Variants in WDR48 observed in about 807,000 individuals in gnomAD.
WDR48 encodes the protein WD repeat-containing protein 48.
WDR48 carries 22 observed loss-of-function variants against 94.0 expected under a neutral mutation model. That is an observed-to-expected ratio of 0.23 (90% CI 0.17 to 0.33). The LOEUF (loss-of-function observed/expected upper bound fraction) is 0.33, where lower values mean the gene tolerates loss of function less well. Among genes scored for constraint, WDR48 ranks in the 10% least tolerant of loss-of-function variants. The pLI is 1.00. For synonymous variants in WDR48, 278 were observed against 280.5 expected (o/e 0.99, Z 0.09); for missense variants, 541 against 813.8 (o/e 0.66, Z 4.08).
At chr3:39,057,779 C>T (rs2077418831) in intron 1 of WDR48, among the ~76,000 whole-genome samples, 1 of 152,136 alleles carries the variant, frequency 6.6e-6, no homozygotes, top group Non-Finnish European at 1.5e-5. Flanking sequence ...CGCACCACCA[C>T]ACCCGTCTAA....
chr3:39,066,346 A>G (rs1187780828), intron 3 of WDR48, among the ~76,000 whole-genome samples: 2 of 152,112 alleles, frequency 1.3e-5, no homozygotes, highest in Non-Finnish European at 2.9e-5. Flanking sequence ...TTAAAAATAT[A>G]TTTTTTTCTT....
rs2125677975 is a variant in WDR48 at position 39,085,614 on chromosome 3, A to C, written c.1474+4A>C. The C allele has an allele frequency of 6.2e-7, 1 of 1,605,070 alleles. No individual in the cohort carries two copies. Among genetic ancestry groups the C allele is most frequent in the African/African-American group, 1.3e-5 (1 of 74,642 alleles). ...GAGGAAAATGAAGTAAACCATGGTT[A>C]GTTTTTATATTCAGATAGTTGCATA... is the stretch of plus-strand genomic sequence containing the variant. On this transcript the variant is annotated splice_donor_region_variant and intron_variant, in intron 14 of 18. Transcript: ENST00000302313.
rs113931979 is a variant in WDR48, at chr3:39,063,006, A to G, written c.49-44A>G. On this transcript the variant is annotated intron_variant, in intron 1 of 18. Transcript: ENST00000302313. ...CTAGTAGACTATATTTTATTACTGC[A>G]TGGCTTGTACTTTATAAAAAGCATA... The G allele has an allele frequency of 7.7e-4, 1,240 of 1,606,486 alleles. 12 individuals are homozygous for G. The African/African-American group carries it at 0.014, about 19-fold the overall frequency.
At chr3:39,086,069 T>G (rs2034794139) in intron 14 of WDR48, among the ~76,000 whole-genome samples, 1 of 152,120 alleles carries the variant, frequency 6.6e-6, no homozygotes, top group African/African-American at 2.4e-5. Context: ...TGACTCTGTT[T>G]CAAAAAAAAA....
At chr3:39,075,169 C>T (rs1182319963) in intron 8 of WDR48, among the ~76,000 whole-genome samples, 2 of 137,652 alleles carry the variant, frequency 1.5e-5, no homozygotes, top group Non-Finnish European at 3.1e-5. Context: ...TGGGTCAGTT[C>T]TGGGGCACTT....
At chr3:39,076,802 A>G (rs1280109591) in intron 8 of WDR48, among the ~76,000 whole-genome samples, 1 of 152,242 alleles carries the variant, frequency 6.6e-6, no homozygotes, top group African/African-American at 2.4e-5. Context: ...TTGTTACTAT[A>G]GAAACATAAA....
chr3:39,066,400 A>G (rs762216647), intron 3 of WDR48, 148 bp from the exon 4 acceptor site: 11 of 663,262 alleles, frequency 1.7e-5, no homozygotes, highest in Admixed American at 3.3e-5. Context: ...GCAATATACA[A>G]TAGGTTCTAG....
At position 39,055,045 on chromosome 3, in the gene WDR48, A is replaced by G. The variant is rs183252061; in HGVS notation, c.48+2972A>G. ...TATTTGCTCTTATACATCAAAAAGA[A>G]AACTTCTCATCTTGGAAAAAGCATA... is the stretch of plus-strand genomic sequence containing the variant. On this transcript the variant is annotated intron_variant, in intron 1 of 18. Coordinates refer to ENST00000302313, the MANE Select transcript of WDR48 (RefSeq NM_020839.4). Among the ~76,000 whole-genome samples the G allele has an allele frequency of 7.2e-4, 109 of 152,354 alleles. 1 individual carries two copies. Among genetic ancestry groups the G allele is most frequent in the African/African-American group, 2.6e-3 (109 of 41,580 alleles).
chr3:39,094,209 C>G, intron 18 of WDR48, 143 bp downstream of exon 18: 4 of 1,452,400 alleles, frequency 2.8e-6, no homozygotes, highest in Non-Finnish European at 3.6e-6. Flanking sequence ...CACCCTAAAG[C>G]TCCTCTTTAC....
At chr3:39,078,504 T>A (rs112501843) in intron 10 of WDR48, among the ~76,000 whole-genome samples, 12,504 of 151,844 alleles carry the variant, frequency 0.082, 729 homozygotes, top group African/African-American at 0.16. Flanking sequence ...CTGCAACCCC[T>A]GCCTCCCGGG....
In WDR48 at chr3:39,075,087, A is replaced by G. The variant is rs2034143964; in HGVS notation, c.897+137A>G. ...AGGTTTGTAAAAAAGATATTCCATC[A>G]TGAGCAGAACTTGACAGGGTAAGGA... is the stretch of plus-strand genomic sequence containing the variant. On this transcript the variant is annotated intron_variant, in intron 8 of 18. Transcript: ENST00000302313. The G allele has an allele frequency of 4.8e-6, 4 of 834,778 alleles. No individual in the cohort carries two copies. In the South Asian group the frequency reaches 7.2e-5, roughly 15 times the overall value. The allele number at this position is 834,778 out of a possible 1,614,324, so 51.7% of individuals were successfully genotyped here. A position where few individuals can be genotyped will look rare whatever the true frequency, so the allele number is the denominator to read the frequency against.
intron 8 of WDR48, among the ~76,000 whole-genome samples, chr3:39,076,905 T>C (rs1489291928): frequency 1.3e-5 from 2 of 152,246 alleles, no homozygotes; most frequent in African/African-American, 2.4e-5. Flanking sequence ...CTTAAAATTA[T>C]TGGCCACTGT....
rs2034136312 is a variant in WDR48 at position 39,074,962 on chromosome 3, G to A, written c.897+12G>A. 1 of 1,611,396 alleles carries A rather than the reference G, an allele frequency of 6.2e-7. No individual in the cohort carries two copies. The highest frequency in any genetic ancestry group is 1.3e-5 in the African/African-American group (1 of 74,628). On this transcript the variant is annotated intron_variant, in intron 8 of 18. Transcript: ENST00000302313. ...CACCAGTTCTCAAGGTATGTCATAT[G>A]TTAATATTTTAGTTTTATAATTAAG... is the stretch of plus-strand genomic sequence containing the variant.
chr3:39,087,933 G>T (rs2034894510), intron 14 of WDR48, 195 bp from the exon 15 acceptor site: 1 of 553,184 alleles, frequency 1.8e-6, no homozygotes, highest in African/African-American at 1.9e-5. Context: ...TTTTTTCCAT[G>T]AAATAGACCA....
intron 1 of WDR48, among the ~76,000 whole-genome samples, chr3:39,057,431 TTTC>T (rs2032966138): frequency 6.6e-6 from 1 of 152,198 alleles, no homozygotes; most frequent in Admixed American, 6.5e-5. Flanking sequence ...AGAGACTGTT[TTTC>T]ATTACAGTCA....
chr3:39,079,670 A>G, intron 10 of WDR48, 41 bp from the exon 11 acceptor site: 1 of 1,367,850 alleles, frequency 7.3e-7, no homozygotes, highest in Non-Finnish European at 1.0e-6. Context: ...ATTTAAATGT[A>G]GAAAGATTGT....
rs1039841400 is a variant in WDR48, at chr3:39,094,637, T to C, written c.1939-11T>C. On this transcript the variant is annotated splice_polypyrimidine_tract_variant and intron_variant, in intron 18 of 18. Coordinates refer to ENST00000302313, the MANE Select transcript of WDR48 (RefSeq NM_020839.4). ...ACTTTGAAATTTTTAAATTTAATTT[T>C]GGCTATTCAGGTTTTGGATCCAAAT... The C allele has an allele frequency of 4.3e-6, 7 of 1,613,976 alleles. No homozygotes were observed. Among genetic ancestry groups the C allele is most frequent in the Non-Finnish European group, 5.9e-6 (7 of 1,180,026 alleles).
At chr3:39,080,509 T>C (rs1240691256) in intron 11 of WDR48, among the ~76,000 whole-genome samples, 3 of 152,232 alleles carry the variant, frequency 2.0e-5, no homozygotes, top group Admixed American at 1.3e-4. Context: ...GTCTCTCTCT[T>C]AGTGTTGTTG....
chr3:39,068,922 AT>A, intron 6 of WDR48, 63 bp downstream of exon 6: 3 of 1,240,276 alleles, frequency 2.4e-6, no homozygotes, highest in East Asian at 4.8e-5. Context: ...CTTGTCTCCT[AT>A]TTTTTAAGCA....
Sources: gnomAD v4.1 joint callset for allele counts (sites outside exome capture counted in the v4.1 genomes callset) on GRCh38, gnomAD v4.1.1 for gene constraint, MANE v1.5 for transcripts, NCBI Gene and HGNC (gene_info 2026-07-23, HGNC 2026-07-21) for gene names.